Variants in ANKRD11 observed in about 807,000 individuals in gnomAD.
ANKRD11 encodes ankyrin repeat domain 11.
In ANKRD11, 17 loss-of-function variants were observed where a neutral mutation model predicts 195.7. The ratio of observed to expected loss-of-function variants is 0.09; its 90% confidence interval spans 0.06 to 0.13. The LOEUF is 0.13. Among genes scored for constraint, ANKRD11 ranks in the 10% least tolerant of loss-of-function variants. The probability of loss-of-function intolerance (pLI) is 1.00; values close to 1 mark genes in which losing one functional copy is unlikely to be tolerated. For missense variants in ANKRD11, 3,735 were observed against 3,566.1 expected, an observed-to-expected ratio of 1.05 and a Z score of -1.21; for synonymous variants, 1,953 against 1,528.1, an observed-to-expected ratio of 1.28 and a Z score of -6.49.
intron 1 of ANKRD11, among the ~76,000 whole-genome samples, chr16:89,464,877 A>G (rs1445914341): frequency 6.6e-6 from 1 of 152,180 alleles, no homozygotes; most frequent in Non-Finnish European, 1.5e-5. Context: ...AAAAACCAAT[A>G]AAGCTACACA....
Position 89,284,308 on chromosome 16 carries a change from T to C in ANKRD11, c.2234A>G (p.Glu745Gly). Residue 745 changes from glutamate (E) to glycine (G), a missense_variant, in exon 9 of 13, where the codon GAG (glutamate) becomes GGG (glycine). Transcript: ENST00000301030. ...EKDRSNKAEK[E>G]RSLKEKSPKE... is the part of the protein sequence containing the mutation. ...CGGAGACTTTTCCTTCAGCGATCTC[T>C]CCTTTTCTGCTTTATTCGAACGGTC... The C allele has an allele frequency of 6.2e-7, 1 of 1,613,978 alleles. No homozygotes were observed. The highest frequency in any genetic ancestry group is 8.5e-7 in the Non-Finnish European group (1 of 1,180,022).
intron 4 of ANKRD11, chr16:89,301,687 C>G: frequency 2.5e-6 from 1 of 398,726 alleles, no homozygotes; most frequent in Non-Finnish European, 4.4e-6. Flanking sequence ...GCCTGGACAG[C>G]CTCCAGGCTG....
Position 89,283,583 on chromosome 16 carries a change from C to T in ANKRD11, c.2959G>A (p.Asp987Asn), listed in dbSNP as rs752896930. The T allele has an allele frequency of 1.2e-6, 2 of 1,610,386 alleles. No individual in the cohort carries two copies. The highest frequency in any genetic ancestry group is 1.7e-6 in the Non-Finnish European group (2 of 1,180,026). ...KECGCESGFK[D>N]KSDGDFGKGL... is the part of the protein sequence containing the mutation. ...TTCCCAAAGTCGCCGTCGGACTTGT[C>T]CTTGAAGCCACTCTCGCAGCCACAC... The change falls in exon 9 of 13, where the codon GAC becomes AAC. Residue 987 changes from aspartate to asparagine, a missense_variant. Asp to Asn is a conservative substitution (Grantham distance 23). Transcript: ENST00000301030. The surrounding 1 kb of genome is among the most constrained non-coding windows in gnomAD (Gnocchi z 4.3).
chr16:89,392,199 T>C (rs898547023), intron 2 of ANKRD11, among the ~76,000 whole-genome samples: 9 of 152,238 alleles, frequency 5.9e-5, no homozygotes, highest in Non-Finnish European at 1.2e-4. Context: ...CTTCATTCGG[T>C]GTACTCTCGT....
intron 2 of ANKRD11, among the ~76,000 whole-genome samples, chr16:89,365,868 A>T (rs3102387): frequency 5.3e-5 from 8 of 151,692 alleles, no homozygotes; most frequent in Admixed American, 4.6e-4. Flanking sequence ...CTCCACCCCC[A>T]ACCCTCAAGC....
intron 2 of ANKRD11, among the ~76,000 whole-genome samples, chr16:89,336,340 T>C (rs1200537031): frequency 1.3e-5 from 2 of 152,182 alleles, no homozygotes; most frequent in Admixed American, 6.5e-5. Context: ...ACCTCCAAGA[T>C]TGTCGTCAGA....
chr16:89,275,805 A>G (rs528595210), intron 9 of ANKRD11, among the ~76,000 whole-genome samples: 1 of 152,236 alleles, frequency 6.6e-6, no homozygotes, highest in South Asian at 2.1e-4. Flanking sequence ...CTGAAACTAC[A>G]TGCATGCTGG....
At chr16:89,272,194 C>A (rs1461388956) in intron 11 of ANKRD11, 7 of 152,208 alleles carry the variant, frequency 4.6e-5, no homozygotes, top group African/African-American at 1.7e-4. Flanking sequence ...TACCGTGAGA[C>A]ATCACTTCAC....
chr16:89,440,395 G>C (rs1340869055), intron 1 of ANKRD11, among the ~76,000 whole-genome samples: 1 of 152,208 alleles, frequency 6.6e-6, no homozygotes, highest in East Asian at 1.9e-4. Flanking sequence ...ATCACATGAG[G>C]CCAGAAGTTC....
In ANKRD11 at chr16:89,280,188, C is replaced by T. The variant is rs1200476547; in HGVS notation, c.6354G>A (p.Val2118=). 4 of 1,608,516 alleles carry T rather than the reference C, an allele frequency of 2.5e-6. No homozygotes were observed. The highest frequency in any genetic ancestry group is 3.4e-6 in the Non-Finnish European group (4 of 1,179,010). ...GLSHLGQVEP[V]PWADAFAGPE... The stretch of plus-strand genomic sequence containing the variant: ...GGCCGGCGAAGGCGTCCGCCCAGGG[C>T]ACCGGCTCCACCTGGCCGAGGTGAG... The change falls in exon 9 of 13, where the codon GTG becomes GTA. Residue 2118 remains valine (V), a synonymous_variant. Transcript: ENST00000301030.
chr16:89,288,400 T>C, intron 7 of ANKRD11, 128 bp downstream of exon 7: 1 of 1,436,696 alleles, frequency 7.0e-7, no homozygotes. Context: ...GCCTTGAGGG[T>C]GGGCAAGGCG....
chr16:89,382,727 G>C (rs983335986), intron 2 of ANKRD11, among the ~76,000 whole-genome samples: 2 of 152,024 alleles, frequency 1.3e-5, no homozygotes, highest in African/African-American at 4.8e-5. Flanking sequence ...TAATCCTCCT[G>C]CCTCGGCCTC....
chr16:89,355,426 T>A (rs552937505), intron 2 of ANKRD11, among the ~76,000 whole-genome samples: 73 of 152,300 alleles, frequency 4.8e-4, no homozygotes, highest in Non-Finnish European at 8.7e-4. Flanking sequence ...AAACTTTTCA[T>A]CAGCCAGACT....
At chr16:89,385,951 G>A (rs2040890425) in intron 2 of ANKRD11, among the ~76,000 whole-genome samples, 1 of 152,210 alleles carries the variant, frequency 6.6e-6, no homozygotes, top group South Asian at 2.1e-4. Flanking sequence ...TTAGCACACA[G>A]CGGACAGCAG....
At chr16:89,470,725 C>G (rs569195713) in intron 1 of ANKRD11, among the ~76,000 whole-genome samples, 4 of 147,620 alleles carry the variant, frequency 2.7e-5, no homozygotes, top group Admixed American at 6.9e-5. Flanking sequence ...CGCGGTGGCT[C>G]ATGCCTGTAA....
intron 1 of ANKRD11, among the ~76,000 whole-genome samples, chr16:89,423,758 C>T (rs1391292044): frequency 1.3e-5 from 2 of 152,168 alleles, no homozygotes; most frequent in Admixed American, 1.3e-4. Flanking sequence ...TGTAAGAAAA[C>T]GTTTTAAATG....
intron 1 of ANKRD11, among the ~76,000 whole-genome samples, chr16:89,426,925 T>C (rs2042741293): frequency 6.6e-6 from 1 of 152,214 alleles, no homozygotes; most frequent in African/African-American, 2.4e-5. Context: ...AAATGAATAA[T>C]CCAAGTGGCA....
chr16:89,380,373 A>C lies in ANKRD11; in HGVS notation c.-60+37911T>G, dbSNP rs186893716. Among the ~76,000 whole-genome samples the C allele has an allele frequency of 2.0e-5, 3 of 152,236 alleles. No individual in the cohort carries two copies. The East Asian group carries it at 5.8e-4, about 29-fold the overall frequency. On this transcript the variant is annotated intron_variant, in intron 2 of 12. Transcript: ENST00000301030. The stretch of plus-strand genomic sequence containing the variant: ...GTGATCCACCCACCTCGGCCTCCCA[A>C]AGTGCTGGGATTACAGGTGTGAGCC...
intron 1 of ANKRD11, among the ~76,000 whole-genome samples, chr16:89,464,607 TA>T (rs377695519): frequency 1.6e-3 from 187 of 116,376 alleles, no homozygotes; most frequent in African/African-American, 3.5e-3. Flanking sequence ...GACTCCATCT[TA>T]AAAAAAAAAA....
Sources: gnomAD v4.1 joint callset for allele counts (sites outside exome capture counted in the v4.1 genomes callset) on GRCh38, gnomAD v4.1.1 for gene constraint, Gnocchi (gnomAD v3.1) non-coding constraint, MANE v1.5 for transcripts, NCBI Gene and HGNC (gene_info 2026-07-23, HGNC 2026-07-21) for gene names.